NDUFAF6: variants seen among roughly 807,000 people sequenced by gnomAD.
The protein encoded by NDUFAF6 is NADH:ubiquinone oxidoreductase complex assembly factor 6.
NDUFAF6 carries 45 observed loss-of-function variants against 40.8 expected under a neutral mutation model. That is an observed-to-expected ratio of 1.10 (90% CI 0.87 to 1.42). NDUFAF6 has a LOEUF of 1.42. Ranked by LOEUF, NDUFAF6 falls within the 40% of genes most tolerant of loss-of-function variation. The pLI, the probability that NDUFAF6 is intolerant of heterozygous loss-of-function variation, is 0.00. For missense variants in NDUFAF6, 435 were observed against 418.5 expected, an observed-to-expected ratio of 1.04 and a Z score of -0.34; for synonymous variants, 185 against 155.9, an observed-to-expected ratio of 1.19 and a Z score of -1.39.
At chr8:95,052,600 A>G (rs756181328) in intron 8 of NDUFAF6, among the ~76,000 whole-genome samples, 4 of 152,196 alleles carry the variant, frequency 2.6e-5, no homozygotes, top group Non-Finnish European at 2.9e-5. Context: ...TTATAGCTAT[A>G]TAAGTATTAC....
chr8:95,075,658 G>A, exon 10 of NDUFAF6: 2 of 1,288,406 alleles, frequency 1.6e-6, no homozygotes, highest in Non-Finnish European at 2.0e-6. Context: ...GACACTCAGG[G>A]CGTGTGTCTT....
At chr8:95,090,668 T>G (rs888287629) in intron 2 of NDUFAF6, among the ~76,000 whole-genome samples, 2 of 152,132 alleles carry the variant, frequency 1.3e-5, no homozygotes, top group African/African-American at 2.4e-5. Context: ...GTCAACTTGA[T>G]TGGATTGAAG....
chr8:95,058,338 T>C lies in NDUFAF6; in HGVS notation c.*401T>C. 1 of 1,249,280 alleles carries C rather than the reference T, an allele frequency of 8.0e-7. No homozygotes were observed. Among genetic ancestry groups the C allele is most frequent in the African/African-American group, 1.5e-5 (1 of 64,762 alleles). The allele number at this position is 1,249,280 out of a possible 1,614,324, so 77.4% of individuals were successfully genotyped here. ...CATAGGGGCTTACATGCTGAGCAGC[T>C]ATAACCTAGGTGTTCAGAACACCTG... On this transcript the variant is annotated 3_prime_UTR_variant, in exon 9 of 9. Coordinates refer to ENST00000396124, the MANE Select transcript of NDUFAF6 (RefSeq NM_152416.4).
At chr8:95,078,662 A>ACATAT (rs1554689343), downstream of NDUFAF6, 1 of 121,052 alleles carries the variant, frequency 8.3e-6, no homozygotes, top group Non-Finnish European at 1.7e-5. Flanking sequence ...AAAAAAAAAA[A>ACATAT]ATATATATAT....
chr8:95,082,556 T>C (rs1808905111), intron 2 of NDUFAF6, among the ~76,000 whole-genome samples: 1 of 138,044 alleles, frequency 7.2e-6, no homozygotes, highest in Admixed American at 8.6e-5. Flanking sequence ...TCCTGTTTTA[T>C]GAAATAATCT....
chr8:94,964,166 G>A (rs1823820902), intron 1 of NDUFAF6, among the ~76,000 whole-genome samples: 1 of 152,134 alleles, frequency 6.6e-6, no homozygotes, highest in Non-Finnish European at 1.5e-5. Flanking sequence ...AGTGGCTCAT[G>A]CCTGTAATCG....
chr8:95,045,488 T>C, intron 4 of NDUFAF6, 57 bp from the exon 5 acceptor site: 1 of 1,320,436 alleles, frequency 7.6e-7, no homozygotes, highest in East Asian at 2.3e-5. Flanking sequence ...AACAGCACCT[T>C]TTCTTTCTAA....
chr8:95,056,063 G>A (rs989141771), intron 8 of NDUFAF6, among the ~76,000 whole-genome samples: 3 of 151,974 alleles, frequency 2.0e-5, no homozygotes, highest in African/African-American at 4.8e-5. Context: ...TTATAAAAAC[G>A]GATCATTTTC....
upstream of NDUFAF6, among the ~76,000 whole-genome samples, chr8:95,024,033 A>G (rs1200672175): frequency 2.0e-5 from 3 of 152,214 alleles, no homozygotes; most frequent in Non-Finnish European, 4.4e-5. Flanking sequence ...TAAACTGTTA[A>G]AAGCTCTGTC....
At chr8:95,096,942 A>G (rs531902527), upstream of NDUFAF6, among the ~76,000 whole-genome samples, 1 of 152,240 alleles carries the variant, frequency 6.6e-6, no homozygotes, top group East Asian at 1.9e-4. Flanking sequence ...ATGTTGTGCA[A>G]TTTCAGAGAG....
At chr8:94,956,925 C>T (rs181187333), upstream of NDUFAF6, among the ~76,000 whole-genome samples, 1 of 152,130 alleles carries the variant, frequency 6.6e-6, no homozygotes, top group African/African-American at 2.4e-5. Flanking sequence ...AATCACAGCA[C>T]TTTGTTAGGC....
intron 4 of NDUFAF6, among the ~76,000 whole-genome samples, chr8:95,111,245 T>C (rs955499644): frequency 2.6e-5 from 4 of 152,160 alleles, no homozygotes; most frequent in African/African-American, 4.8e-5. Context: ...AAAGGAGTCA[T>C]TGGAAGGCAT....
intron 1 of NDUFAF6, among the ~76,000 whole-genome samples, chr8:94,978,844 A>T (rs1031293096): frequency 1.3e-5 from 2 of 151,956 alleles, no homozygotes; most frequent in African/African-American, 4.8e-5. Flanking sequence ...TAACCTAGGG[A>T]CTCACTACCT....
chr8:95,043,447 T>C (rs1360900881), intron 4 of NDUFAF6, among the ~76,000 whole-genome samples: 2 of 149,340 alleles, frequency 1.3e-5, no homozygotes, highest in Non-Finnish European at 3.0e-5. Flanking sequence ...AATAGATAGA[T>C]TGGACTAAAA....
intron 2 of NDUFAF6, chr8:94,950,781 A>G (rs116695832): frequency 6.6e-6 from 1 of 152,186 alleles, no homozygotes; most frequent in East Asian, 1.9e-4. Context: ...GAATCCATTG[A>G]AGAGGCCATC....
intron 2 of NDUFAF6, among the ~76,000 whole-genome samples, chr8:95,000,609 A>G (rs1222065355): frequency 6.6e-6 from 1 of 151,466 alleles, no homozygotes; most frequent in East Asian, 1.9e-4. Context: ...TTCAAACTAT[A>G]TAAAAAAGTA....
At chr8:95,114,055 T>G (rs1027857711) in intron 4 of NDUFAF6, among the ~76,000 whole-genome samples, 3 of 151,356 alleles carry the variant, frequency 2.0e-5, no homozygotes, top group Non-Finnish European at 4.4e-5. Flanking sequence ...TACCTAATGC[T>G]AGATGACGAG....
At chr8:94,913,957 A>G (rs931970971) in intron 1 of NDUFAF6, among the ~76,000 whole-genome samples, 3 of 152,004 alleles carry the variant, frequency 2.0e-5, no homozygotes, top group Non-Finnish European at 4.4e-5. Flanking sequence ...ACGCCCAGCT[A>G]ATTTTTGTAT....
chr8:94,992,444 A>C (rs59314609), intron 2 of NDUFAF6, among the ~76,000 whole-genome samples: 17 of 152,266 alleles, frequency 1.1e-4, no homozygotes, highest in African/African-American at 4.1e-4. Flanking sequence ...CTGAGATTGC[A>C]CCACTGTACT....
Sources: gnomAD v4.1 joint callset for allele counts (sites outside exome capture counted in the v4.1 genomes callset) on GRCh38, gnomAD v4.1.1 for gene constraint, MANE v1.5 for transcripts, NCBI Gene and HGNC (gene_info 2026-07-23, HGNC 2026-07-21) for gene names.